GRM7: variants seen among roughly 807,000 people sequenced by gnomAD.
The protein encoded by GRM7 is metabotropic glutamate receptor 7.
GRM7 carries 35 observed loss-of-function variants against 84.5 expected under a neutral mutation model. The observed-to-expected ratio is 0.41, with a 90% CI of 0.32 to 0.55. The LOEUF (loss-of-function observed/expected upper bound fraction) is 0.55. GRM7 is among the 20% of genes least tolerant of loss of function. The pLI is 0.19. For missense variants in GRM7, 1,003 were observed against 1,194.6 expected (o/e 0.84, Z 2.36); for synonymous variants, 487 against 455.1 (o/e 1.07, Z -0.89).
intron 1 of GRM7, among the ~76,000 whole-genome samples, chr3:7,046,551 T>C (rs578125761): frequency 1.3e-5 from 2 of 152,238 alleles, no homozygotes; most frequent in East Asian, 1.9e-4. Flanking sequence ...GCCAGTTGTG[T>C]TGTATTTTCT....
chr3:7,416,276 G>A (rs146439182), intron 5 of GRM7, among the ~76,000 whole-genome samples: 12 of 152,144 alleles, frequency 7.9e-5, no homozygotes, highest in Admixed American at 2.0e-4. Flanking sequence ...TTACACAAGC[G>A]GATGACATGA....
chr3:6,988,163 A>ATT (rs760807880), intron 1 of GRM7, among the ~76,000 whole-genome samples: 1,776 of 95,282 alleles, frequency 0.019, 212 homozygotes, highest in African/African-American at 0.089. Context: ...CGCCTGGCTA[A>ATT]TTTTTTTTTT....
chr3:7,332,112 A>G (rs1337924378), intron 4 of GRM7, among the ~76,000 whole-genome samples: 1 of 152,190 alleles, frequency 6.6e-6, no homozygotes, highest in Non-Finnish European at 1.5e-5. Context: ...TAAGTAAAAT[A>G]ACAGTGACAC....
At chr3:7,261,293 T>G (rs867608810) in intron 2 of GRM7, among the ~76,000 whole-genome samples, 4 of 152,236 alleles carry the variant, frequency 2.6e-5, no homozygotes, top group Middle Eastern at 3.2e-3. Context: ...TCAGGTTATT[T>G]AATTTCCATG....
At chr3:7,343,266 C>T (rs750195310) in intron 4 of GRM7, among the ~76,000 whole-genome samples, 18 of 152,120 alleles carry the variant, frequency 1.2e-4, no homozygotes, top group Non-Finnish European at 2.2e-4. Flanking sequence ...CAGTGTCTCA[C>T]TCTGTTGCCC....
intron 4 of GRM7, among the ~76,000 whole-genome samples, chr3:7,367,368 G>T (rs2125112772): frequency 6.6e-6 from 1 of 151,604 alleles, no homozygotes; most frequent in East Asian, 1.9e-4. Context: ...TTGTTGGAGG[G>T]TATTTTGTTT....
intron 1 of GRM7, among the ~76,000 whole-genome samples, chr3:7,081,563 A>C (rs1474041161): frequency 6.6e-6 from 1 of 152,072 alleles, no homozygotes; most frequent in Non-Finnish European, 1.5e-5. Context: ...AATGGCCTCT[A>C]ATTATTCAAG....
intron 4 of GRM7, among the ~76,000 whole-genome samples, chr3:7,319,713 A>G (rs1575162773): frequency 6.6e-6 from 1 of 152,058 alleles, no homozygotes; most frequent in East Asian, 1.9e-4. Flanking sequence ...AGGTTCCTTA[A>G]TTTATTAGGG....
chr3:7,599,503 G>A (rs923573483), intron 8 of GRM7, among the ~76,000 whole-genome samples: 4 of 152,042 alleles, frequency 2.6e-5, no homozygotes, highest in Non-Finnish European at 5.9e-5. Flanking sequence ...ATTAACACCT[G>A]GGATGTGGGT....
intron 1 of GRM7, among the ~76,000 whole-genome samples, chr3:6,971,446 T>C (rs2125094317): frequency 6.6e-6 from 1 of 152,314 alleles, no homozygotes; most frequent in East Asian, 1.9e-4. Context: ...GTGCAGCTCC[T>C]ATGAACATGG....
intron 2 of GRM7, among the ~76,000 whole-genome samples, chr3:7,154,306 C>G (rs1459953072): frequency 6.6e-6 from 1 of 152,136 alleles, no homozygotes; most frequent in Non-Finnish European, 1.5e-5. Flanking sequence ...AGACAAATCT[C>G]AGATGTTTAT....
intron 1 of GRM7, among the ~76,000 whole-genome samples, chr3:7,107,543 A>G (rs1481328754): frequency 6.6e-6 from 1 of 152,102 alleles, no homozygotes; most frequent in Non-Finnish European, 1.5e-5. Context: ...AACACAAAGT[A>G]AAATAGTGCT....
chr3:7,428,066 G>A (rs540324512), intron 5 of GRM7, among the ~76,000 whole-genome samples: 9 of 152,260 alleles, frequency 5.9e-5, no homozygotes, highest in Admixed American at 5.2e-4. Context: ...GAAAAGATAC[G>A]GAGTGACCTA....
intron 4 of GRM7, among the ~76,000 whole-genome samples, chr3:7,335,775 C>T (rs1265547224): frequency 6.6e-6 from 1 of 152,052 alleles, no homozygotes; most frequent in African/African-American, 2.4e-5. Context: ...CTACTGTGAA[C>T]ACCTTTATGC....
chr3:7,567,805 T>C lies in GRM7; in HGVS notation c.1516-10617T>C, dbSNP rs73809424. On this transcript the variant is annotated intron_variant, in intron 7 of 9. Transcript: ENST00000357716. ...AAAAAAGACACAACTCCAGGATGAC[T>C]TATATGCAAGGGTTTTTAAGGGCAG... 2.9e-5 allele frequency among the ~76,000 whole-genome samples: 4 copies of C among 140,010 alleles called. No individual in the cohort carries two copies. The South Asian group carries it at 7.2e-4, about 25-fold the overall frequency. 91.9% of individuals were successfully genotyped at this position (140,010 alleles called of 152,430 possible).
intron 5 of GRM7, among the ~76,000 whole-genome samples, chr3:7,435,179 CG>C (rs1194717499): frequency 6.8e-6 from 1 of 147,992 alleles, no homozygotes; most frequent in Non-Finnish European, 1.5e-5. Context: ...TTTTTTTGGG[CG>C]GGGGACAGTG....
intron 4 of GRM7, among the ~76,000 whole-genome samples, chr3:7,319,901 A>G (rs969447019): frequency 6.6e-6 from 1 of 152,024 alleles, no homozygotes; most frequent in African/African-American, 2.4e-5. Flanking sequence ...TGTACCACTC[A>G]ATGGCATTTT....
rs552436144 is a variant in GRM7 at position 7,615,083 on chromosome 3, T to C, written c.2451+35726T>C. Among the ~76,000 whole-genome samples the C allele has an allele frequency of 1.6e-4, 25 of 152,308 alleles. No homozygotes were observed. In the South Asian group the frequency reaches 3.7e-3, roughly 23 times the overall value. On this transcript the variant is annotated intron_variant, in intron 8 of 9. Coordinates refer to ENST00000357716, the MANE Select transcript of GRM7 (RefSeq NM_000844.4). ...ACTGAGAATTCAGTTTCTTTTTTAT[T>C]TGAAAGTAATATGCCTTTTTTTCTT...
intron 4 of GRM7, among the ~76,000 whole-genome samples, chr3:7,323,101 G>T (rs1700850468): frequency 6.6e-6 from 1 of 152,170 alleles, no homozygotes; most frequent in East Asian, 1.9e-4. Context: ...CAAGAGAATT[G>T]GTCACTGAAA....
Sources: allele counts gnomAD v4.1 joint callset (sites outside exome capture counted in the v4.1 genomes callset), GRCh38; gene constraint gnomAD v4.1.1; transcripts MANE v1.5; gene names NCBI Gene and HGNC (gene_info 2026-07-23, HGNC 2026-07-21).